The following LAMP3 variants were observed in gnomAD, a reference collection of about 807,000 sequenced individuals.
The protein encoded by LAMP3 is lysosome associated membrane protein 3, also known as lysosome-associated membrane glycoprotein 3.
Under a neutral mutation model 34.8 loss-of-function variants are expected in LAMP3, and 26 were observed. The observed-to-expected ratio is 0.75, with a 90% CI of 0.55 to 1.04. LAMP3 has a LOEUF of 1.04. Ranked by LOEUF, LAMP3 falls within the 50% of genes least tolerant of loss-of-function variation. The pLI is 0.00. For missense variants in LAMP3, 495 were observed against 524.0 expected, an observed-to-expected ratio of 0.94 and a Z score of 0.54; for synonymous variants, 180 against 201.9, an observed-to-expected ratio of 0.89 and a Z score of 0.92.
intron 3 of LAMP3, among the ~76,000 whole-genome samples, chr3:183,147,773 G>A (rs920267336): frequency 2.0e-5 from 3 of 152,172 alleles, no homozygotes; most frequent in East Asian, 1.9e-4. Flanking sequence ...GGAGTGCAAC[G>A]GCACAATCAT....
chr3:183,161,514 C>T (rs1720972778), intron 1 of LAMP3, among the ~76,000 whole-genome samples: 1 of 152,042 alleles, frequency 6.6e-6, no homozygotes, highest in Admixed American at 6.5e-5. Flanking sequence ...CCTCAGTCTC[C>T]CGAGTACCTG....
intron 2 of LAMP3, among the ~76,000 whole-genome samples, chr3:183,153,451 A>C (rs1022904331): frequency 5.3e-5 from 8 of 152,176 alleles, no homozygotes; most frequent in African/African-American, 1.9e-4. Context: ...AGGTGTGTGA[A>C]TATTTAAAGT....
rs1435131402 is a variant in LAMP3 at position 183,123,170 on chromosome 3, C to G, written c.*911G>C. ...CTAGCGATTCTGGAGCAGGAGTCAT[C>G]AAGATAAAAAATATAAGCTGATTTG... On this transcript the variant is annotated 3_prime_UTR_variant, in exon 6 of 6. Transcript: ENST00000265598. 1 of 152,138 alleles carries G rather than the reference C, an allele frequency of 6.6e-6. No individual in the cohort carries two copies. The highest frequency in any genetic ancestry group is 6.5e-5 in the Admixed American group (1 of 15,270). 9.4% of individuals were successfully genotyped at this position (152,138 alleles called of 1,614,324 possible). A position where few individuals can be genotyped will look rare whatever the true frequency, so the allele number is the denominator to read the frequency against.
chr3:183,153,255 G>A (rs1576886346), intron 2 of LAMP3, among the ~76,000 whole-genome samples: 3 of 150,848 alleles, frequency 2.0e-5, no homozygotes, highest in South Asian at 4.2e-4. Context: ...CCTCTCCCTC[G>A]GTTTTCTTGT....
At chr3:183,126,170 T>C (rs1228466652) in intron 5 of LAMP3, among the ~76,000 whole-genome samples, 3 of 152,004 alleles carry the variant, frequency 2.0e-5, no homozygotes, top group Non-Finnish European at 4.4e-5. Context: ...AATTTAAATA[T>C]ACGTAAAAAC....
intron 4 of LAMP3, among the ~76,000 whole-genome samples, chr3:183,138,915 G>A (rs1720185887): frequency 1.3e-5 from 2 of 152,132 alleles, no homozygotes; most frequent in African/African-American, 2.4e-5. Context: ...CTGTGCATCT[G>A]TTCTTCCTGC....
rs780105881 is a variant in LAMP3 at position 183,152,368 on chromosome 3, G to A, written c.888+7C>T. 1 of 1,604,840 alleles carries A rather than the reference G, an allele frequency of 6.2e-7. No homozygotes were observed. The highest frequency in any genetic ancestry group is 8.5e-7 in the Non-Finnish European group (1 of 1,175,934). ...ATGCAGTTTGTGCAAAGGAGCTCAG[G>A]CCTCACCTTGGTAAATGTGAGATTC... On this transcript the variant is annotated splice_region_variant and intron_variant, in intron 3 of 5. Coordinates refer to ENST00000265598, the MANE Select transcript of LAMP3 (RefSeq NM_014398.4).
chr3:183,132,767 G>A (rs1719965454), intron 5 of LAMP3: 3 of 985,334 alleles, frequency 3.0e-6, no homozygotes, highest in Admixed American at 6.1e-5. Flanking sequence ...TGAATATGAT[G>A]CTGGAATTCC....
In LAMP3 at chr3:183,127,941, C is replaced by T. The variant is rs376930697; in HGVS notation, c.1118-3727G>A. The stretch of plus-strand genomic sequence containing the variant: ...GGTCAGGAGATCGAGACCATTCTGG[C>T]TAACACAGTGAAACCCCGTCTCTAC... On this transcript the variant is annotated intron_variant, in intron 5 of 5. Transcript: ENST00000265598. Among the ~76,000 whole-genome samples the T allele has an allele frequency of 5.1e-4, 77 of 151,958 alleles. No homozygotes were observed. In the South Asian group the frequency reaches 0.016, roughly 31 times the overall value.
intron 3 of LAMP3, among the ~76,000 whole-genome samples, chr3:183,141,591 GA>G (rs1209699298): frequency 6.6e-6 from 1 of 152,202 alleles, no homozygotes; most frequent in African/African-American, 2.4e-5. Context: ...AGTCATTAGA[GA>G]AACTTAACAA....
At chr3:183,163,411 C>T (rs1721042884), upstream of LAMP3, among the ~76,000 whole-genome samples, 2 of 151,884 alleles carry the variant, frequency 1.3e-5, no homozygotes, top group Admixed American at 1.3e-4. Flanking sequence ...CTGCCGCAGC[C>T]TCCCGAGTAG....
At chr3:183,163,286 ATTTCT>A (rs1721037869), upstream of LAMP3, among the ~76,000 whole-genome samples, 1 of 109,672 alleles carries the variant, frequency 9.1e-6, no homozygotes, top group African/African-American at 4.8e-5. Context: ...TTTTCTTTTT[ATTTCT>A]TTTGTTTTGT....
rs111542625 is a variant in LAMP3, at chr3:183,153,785, T to C, written c.656A>G (p.Gln219Arg). Reference protein sequence around the residue: ...STVPGPTLAPQPSSVKTGIYQ... With the variant: ...STVPGPTLAPRPSSVKTGIYQ... ...AATTCCAGTCTTGACTGACGATGGCTGAGGTGCAAGGGTGGGCCCAGGAAC... is the reference window on the plus strand; with the variant it reads ...AATTCCAGTCTTGACTGACGATGGCCGAGGTGCAAGGGTGGGCCCAGGAAC... The change falls in exon 2 of 6, where the codon CAG (glutamine) becomes CGG (arginine). Residue 219 changes from glutamine to arginine, a missense_variant. By Grantham distance (43) the Gln-to-Arg change is conservative. Coordinates refer to ENST00000265598, the MANE Select transcript of LAMP3 (RefSeq NM_014398.4). 2.7e-5 allele frequency: 43 copies of C among 1,579,820 alleles called. No individual in the cohort carries two copies. The African/African-American group carries it at 2.8e-4, about 10-fold the overall frequency.
intron 1 of LAMP3, among the ~76,000 whole-genome samples, chr3:183,159,001 C>T (rs932985111): frequency 3.3e-5 from 5 of 151,960 alleles, no homozygotes; most frequent in Admixed American, 2.0e-4. Context: ...TGGGTTCAAG[C>T]GATCCTCCCA....
intron 5 of LAMP3, among the ~76,000 whole-genome samples, chr3:183,128,905 C>T (rs1227402797): frequency 6.6e-6 from 1 of 152,152 alleles, no homozygotes; most frequent in Non-Finnish European, 1.5e-5. Flanking sequence ...CTCATTTCCT[C>T]TCTTGGTGAA....
rs191575419 is a variant in LAMP3, at chr3:183,150,468, T to C, written c.888+1907A>G. ...GCCTTCCATTAGTCAATGAGTCACA[T>C]GGGCAGTGGGCAGTGGGTCTGGGTC... On this transcript the variant is annotated intron_variant, in intron 3 of 5. Transcript: ENST00000265598. 8.6e-5 allele frequency among the ~76,000 whole-genome samples: 13 copies of C among 152,006 alleles called. No individual in the cohort carries two copies. The East Asian group carries it at 1.9e-3, about 23-fold the overall frequency.
intron 1 of LAMP3, among the ~76,000 whole-genome samples, chr3:183,161,714 C>T (rs906939086): frequency 5.9e-5 from 9 of 152,118 alleles, no homozygotes; most frequent in African/African-American, 2.2e-4. Flanking sequence ...GTTTCTGAGC[C>T]TATCCATCCA....
intron 3 of LAMP3, among the ~76,000 whole-genome samples, chr3:183,144,318 G>A (rs1271312979): frequency 3.3e-5 from 5 of 152,198 alleles, no homozygotes; most frequent in South Asian, 2.1e-4. Flanking sequence ...GAGAAGAGAC[G>A]TGAAGGAGCC....
In LAMP3 at chr3:183,135,813, T is replaced by C; in HGVS notation, c.1021A>G (p.Ser341Gly). The C allele has an allele frequency of 3.1e-6, 5 of 1,614,086 alleles. No individual in the cohort carries two copies. The highest frequency in any genetic ancestry group is 3.3e-5 in the Admixed American group (2 of 60,030). ...GCTGACAACTGGAGGCTCTGTTCAC[T>C]CACGCACTTGAAGGAATGCCCGACT... is the stretch of plus-strand genomic sequence containing the variant. ...TAVGHSFKCV[S>G]EQSLQLSAHL... The change falls in exon 5 of 6, where the codon AGT (serine) becomes GGT (glycine). Residue 341 changes from serine (S) to glycine (G), a missense_variant. Physicochemically the swap from Ser to Gly is moderately conservative, Grantham distance 56 (BLOSUM62 0). Coordinates refer to ENST00000265598, the MANE Select transcript of LAMP3 (RefSeq NM_014398.4).
Sources: allele counts gnomAD v4.1 joint callset (sites outside exome capture counted in the v4.1 genomes callset), GRCh38; gene constraint gnomAD v4.1.1; transcripts MANE v1.5; gene names NCBI Gene and HGNC (gene_info 2026-07-23, HGNC 2026-07-21).